The following CANX variants were observed in gnomAD, a reference collection of about 807,000 sequenced individuals.
The protein encoded by CANX is calnexin.
CANX carries 14 observed loss-of-function variants against 75.7 expected under a neutral mutation model. The ratio of observed to expected loss-of-function variants is 0.19; its 90% confidence interval spans 0.12 to 0.29. CANX has a LOEUF of 0.29. CANX is among the 10% of genes least tolerant of loss of function. The pLI is 1.00. For missense variants in CANX, 567 were observed against 713.2 expected (o/e 0.79, Z 2.34); for synonymous variants, 227 against 236.9 (o/e 0.96, Z 0.38).
chr5:179,680,937 T>G (rs763822180), intron 1 of CANX: 1 of 1,534,854 alleles, frequency 6.5e-7, no homozygotes, highest in Non-Finnish European at 8.7e-7. Flanking sequence ...ACCCTTGAGA[T>G]TGTATCTTCT....
intron 1 of CANX, chr5:179,680,964 G>A (rs565820572): frequency 1.3e-5 from 19 of 1,493,238 alleles, no homozygotes; most frequent in South Asian, 7.2e-5. Context: ...ATGTTTCCCC[G>A]TTAGTCCTCA....
chr5:179,710,792 C>T (rs1414649178), intron 7 of CANX, among the ~76,000 whole-genome samples: 4 of 150,316 alleles, frequency 2.7e-5, no homozygotes, highest in African/African-American at 4.9e-5. Flanking sequence ...GTTGCTCATG[C>T]GTGTAATCCC....
In CANX at chr5:179,705,645, A is replaced by G. The variant is rs1435311317; in HGVS notation, c.-3-34A>G. 3 of 1,547,996 alleles carry G rather than the reference A, an allele frequency of 1.9e-6. No homozygotes were observed. In the East Asian group the frequency reaches 6.8e-5, roughly 35 times the overall value. On this transcript the variant is annotated intron_variant, in intron 1 of 14. Transcript: ENST00000247461. ...ATCTTCATGAAGTTTGATAGGTGGCAATACATTTAACTGATTTTGCTCTTT... is the reference window on the plus strand; with the variant it reads ...ATCTTCATGAAGTTTGATAGGTGGCGATACATTTAACTGATTTTGCTCTTT...
chr5:179,702,587 C>T lies in CANX; in HGVS notation c.-3-3092C>T, dbSNP rs1488739476. On this transcript the variant is annotated intron_variant, in intron 1 of 14. Transcript: ENST00000247461. ...CTATGCCACATATGGTTTAATCATT[C>T]ATCCATTGATGGACACTTGGGTTGC... 3.9e-5 allele frequency among the ~76,000 whole-genome samples: 6 copies of T among 152,252 alleles called. No individual in the cohort carries two copies. In the South Asian group the frequency reaches 1.0e-3, roughly 26 times the overall value.
intron 1 of CANX, among the ~76,000 whole-genome samples, chr5:179,693,166 C>T: frequency 8.0e-6 from 1 of 124,846 alleles, no homozygotes; most frequent in African/African-American, 2.8e-5. Flanking sequence ...AAAAAAAAGA[C>T]AAACCCTATA....
At chr5:179,690,909 A>G (rs1266122710) in intron 1 of CANX, among the ~76,000 whole-genome samples, 1 of 152,158 alleles carries the variant, frequency 6.6e-6, no homozygotes, top group Non-Finnish European at 1.5e-5. Context: ...AATAAGTAAC[A>G]TAAATGTTAA....
exon 1 of CANX, chr5:179,678,753 T>C (rs772013802): frequency 1.3e-6 from 2 of 1,536,986 alleles, no homozygotes; most frequent in East Asian, 2.4e-5. Context: ...AGCATGTCTA[T>C]GAGCAGTTCC....
intron 1 of CANX, among the ~76,000 whole-genome samples, chr5:179,691,018 T>C (rs1455155764): frequency 1.3e-5 from 2 of 152,274 alleles, no homozygotes; most frequent in East Asian, 3.9e-4. Context: ...TAGACATTGA[T>C]ATATTATTTT....
intron 14 of CANX, among the ~76,000 whole-genome samples, chr5:179,727,398 G>A (rs575289057): frequency 2.5e-4 from 38 of 152,202 alleles, no homozygotes; most frequent in Admixed American, 4.6e-4. Flanking sequence ...AACCTTACTC[G>A]AAAGATGACA....
At chr5:179,687,851 T>C (rs1776217571) in intron 1 of CANX, among the ~76,000 whole-genome samples, 1 of 151,660 alleles carries the variant, frequency 6.6e-6, no homozygotes, top group Non-Finnish European at 1.5e-5. Context: ...CTGGCCAACA[T>C]GGTGAAACCC....
In CANX at chr5:179,719,689, G is replaced by C; in HGVS notation, c.933G>C (p.Lys311Asn). The C allele has an allele frequency of 2.5e-6, 4 of 1,611,214 alleles. No individual in the cohort carries two copies. Among genetic ancestry groups the C allele is most frequent in the Non-Finnish European group, 3.4e-6 (4 of 1,178,004 alleles). ...PDDWDEDAPA[K>N]IPDEEATKPE... ...TAAGGGATGAAGATGCCCCTGCTAA[G>C]ATTCCAGATGAAGAGGCCACAAAAC... The change falls in exon 9 of 15, where the codon AAG becomes AAC. Residue 311 changes from lysine to asparagine, a missense_variant. This residue lies in a region of CANX where 351 missense variants were observed against 433.8 expected (regional missense o/e 0.81). Transcript: ENST00000247461.
intron 14 of CANX, among the ~76,000 whole-genome samples, chr5:179,727,394 A>G (rs1316325319): frequency 6.6e-6 from 1 of 152,214 alleles, no homozygotes; most frequent in East Asian, 1.9e-4. Flanking sequence ...TTAAAACCTT[A>G]CTCGAAAGAT....
upstream of CANX, among the ~76,000 whole-genome samples, chr5:179,695,887 C>T (rs1333823077): frequency 2.0e-5 from 3 of 151,892 alleles, no homozygotes; most frequent in Non-Finnish European, 4.4e-5. Flanking sequence ...ATCCACCCGC[C>T]TCGGCCTCCC....
chr5:179,702,029 C>G (rs1381310978), intron 1 of CANX, among the ~76,000 whole-genome samples: 1 of 151,704 alleles, frequency 6.6e-6, no homozygotes, highest in South Asian at 2.1e-4. Context: ...GTGTGAGCCA[C>G]CGCGCTCAGC....
In CANX at chr5:179,728,717, G is replaced by A. The variant is rs1301170965; in HGVS notation, c.*73G>A. 2.0e-6 allele frequency: 2 copies of A among 1,021,042 alleles called. No individual in the cohort carries two copies. The highest frequency in any genetic ancestry group is 2.6e-5 in the South Asian group (2 of 77,486). 63.2% of individuals were successfully genotyped at this position (1,021,042 alleles called of 1,614,324 possible). A position where few individuals can be genotyped will look rare whatever the true frequency, so the allele number is the denominator to read the frequency against. On this transcript the variant is annotated 3_prime_UTR_variant, in exon 15 of 15. Coordinates refer to ENST00000247461, the MANE Select transcript of CANX (RefSeq NM_001746.4). Reference sequence around the variant, plus strand: ...CAAGAGTGGTCCTAGGAGAGGACCTGGCACACCTTAGGTTGACATTCAGAA... The same window carrying A: ...CAAGAGTGGTCCTAGGAGAGGACCTAGCACACCTTAGGTTGACATTCAGAA...
intron 3 of CANX, among the ~76,000 whole-genome samples, chr5:179,706,747 G>A (rs190999808): frequency 3.0e-4 from 45 of 152,228 alleles, no homozygotes; most frequent in African/African-American, 1.0e-3. Flanking sequence ...ATGAGCCACC[G>A]CACCTGGCCT....
At position 179,678,806 on chromosome 5, in the gene CANX, C is replaced by A. The variant is rs142620558; in HGVS notation, c.-4+29C>A. 2.6e-4 allele frequency: 404 copies of A among 1,537,048 alleles called. No individual in the cohort carries two copies. Among genetic ancestry groups the A allele is most frequent in the Non-Finnish European group, 3.4e-4 (390 of 1,146,756 alleles). ...GTTGTTCTCCTCCAGCAACACTTGGCTTTTGGACCGCTGCACCTGCGCCTT... is the reference window on the plus strand; with the variant it reads ...GTTGTTCTCCTCCAGCAACACTTGGATTTTGGACCGCTGCACCTGCGCCTT... On this transcript the variant is annotated intron_variant, in intron 1 of 14. Coordinates refer to the CANX transcript ENST00000681674.
intron 7 of CANX, 95 bp from the exon 8 acceptor site, chr5:179,716,010 C>A (rs764287466): frequency 2.1e-6 from 2 of 940,668 alleles, no homozygotes; most frequent in Non-Finnish European, 3.4e-6. Context: ...GGTCAGACTT[C>A]TGCTGCTTCA....
At position 179,706,262 on chromosome 5, in the gene CANX, C is replaced by T; in HGVS notation, c.176C>T (p.Thr59Ile). The change falls in exon 3 of 15, where the codon ACT becomes ATT. Residue 59 changes from threonine to isoleucine, a missense_variant. Physicochemically the swap from Thr to Ile is moderately conservative, Grantham distance 89. Coordinates refer to ENST00000247461, the MANE Select transcript of CANX (RefSeq NM_001746.4). ...TTAPPSSPKV[T>I]YKAPVPTGEV... ...TCATTTATGTATTTAACACAGGTTA[C>T]TTACAAAGCTCCAGTTCCAACAGGG... is the stretch of plus-strand genomic sequence containing the variant. 1 of 1,557,818 alleles carries T rather than the reference C, an allele frequency of 6.4e-7. No individual in the cohort carries two copies. Among genetic ancestry groups the T allele is most frequent in the Non-Finnish European group, 8.8e-7 (1 of 1,131,786 alleles).
Sources: gnomAD v4.1 joint callset for allele counts (sites outside exome capture counted in the v4.1 genomes callset) on GRCh38, gnomAD v4.1.1 for gene constraint, gnomAD v4.1.1 regional missense constraint, MANE v1.5 for transcripts, NCBI Gene and HGNC (gene_info 2026-07-23, HGNC 2026-07-21) for gene names.